The following EYS variants were observed in gnomAD, a reference collection of about 807,000 sequenced individuals.
EYS encodes EGF-like photoreceptor maintenance factor.
A neutral mutation model predicts 282.1 loss-of-function variants in EYS; 250 were observed. The ratio of observed to expected loss-of-function variants is 0.89; its 90% CI spans 0.80 to 0.98. The LOEUF (loss-of-function observed/expected upper bound fraction) is 0.98, where lower values mean the gene tolerates loss of function less well. Among genes scored for constraint, EYS ranks in the 50% least tolerant of loss-of-function variants. The probability of loss-of-function intolerance (pLI) is 0.00; values close to 1 mark genes in which losing one functional copy is unlikely to be tolerated. For synonymous variants in EYS, 1,355 were observed against 1,282.9 expected (o/e 1.06, Z -1.20); for missense variants, 4,016 against 3,709.0 (o/e 1.08, Z -2.15).
intron 30 of EYS, among the ~76,000 whole-genome samples, chr6:64,288,949 T>C (rs1201755963): frequency 6.6e-6 from 1 of 152,068 alleles, no homozygotes; most frequent in Non-Finnish European, 1.5e-5. Context: ...TTTTTTCTTA[T>C]TCAAAAAACC....
At chr6:65,519,396 C>T (rs1006680510) in intron 2 of EYS, among the ~76,000 whole-genome samples, 35 of 150,862 alleles carry the variant, frequency 2.3e-4, no homozygotes, top group Non-Finnish European at 2.4e-4. Flanking sequence ...AAACTTTTAT[C>T]GTGTATTGAT....
chr6:64,397,418 G>T (rs541038497), intron 28 of EYS, among the ~76,000 whole-genome samples: 6 of 152,002 alleles, frequency 3.9e-5, no homozygotes, highest in Non-Finnish European at 7.4e-5. Context: ...AGCCTACTGG[G>T]CCTGAAATTT....
intron 5 of EYS, among the ~76,000 whole-genome samples, chr6:65,473,332 C>G (rs188064479): frequency 2.4e-4 from 37 of 151,836 alleles, no homozygotes; most frequent in Admixed American, 9.2e-4. Flanking sequence ...AAAAGGCAAA[C>G]AAACCCAAAA....
chr6:64,877,625 GA>G (rs1353217223), intron 19 of EYS, among the ~76,000 whole-genome samples: 1 of 152,092 alleles, frequency 6.6e-6, no homozygotes, highest in East Asian at 1.9e-4. Flanking sequence ...AATGTGGAAA[GA>G]AAATGGCAAT....
At chr6:65,661,487 AT>A (rs1367544600) in intron 1 of EYS, among the ~76,000 whole-genome samples, 3 of 152,054 alleles carry the variant, frequency 2.0e-5, no homozygotes, top group Non-Finnish European at 4.4e-5. Context: ...CTTACAAAGT[AT>A]TTTCCTATTT....
chr6:64,449,339 A>G (rs1399602892), intron 26 of EYS, among the ~76,000 whole-genome samples: 1 of 152,190 alleles, frequency 6.6e-6, no homozygotes. Flanking sequence ...AAAGCCTCCA[A>G]GACATATGGG....
At chr6:64,368,792 T>C (rs1184726575) in intron 29 of EYS, among the ~76,000 whole-genome samples, 1 of 152,204 alleles carries the variant, frequency 6.6e-6, no homozygotes, top group Non-Finnish European at 1.5e-5. Flanking sequence ...TTCTTATAGA[T>C]TCTGGATACT....
chr6:65,137,746 T>C (rs1278221834), intron 12 of EYS, among the ~76,000 whole-genome samples: 2 of 151,980 alleles, frequency 1.3e-5, no homozygotes, highest in African/African-American at 4.8e-5. Flanking sequence ...CATTTGTGTA[T>C]TGAAAGAGAG....
chr6:64,630,174 C>G (rs1055335652), intron 22 of EYS, among the ~76,000 whole-genome samples: 1 of 152,168 alleles, frequency 6.6e-6, no homozygotes, highest in Non-Finnish European at 1.5e-5. Context: ...CGGCTCACTG[C>G]AAACTCCGCC....
At chr6:65,046,661 T>G in intron 13 of EYS, among the ~76,000 whole-genome samples, 1 of 151,750 alleles carries the variant, frequency 6.6e-6, no homozygotes, top group East Asian at 2.0e-4. Context: ...TAAAGAAAAA[T>G]GTGGTTAGGA....
Position 64,958,306 on chromosome 6 carries a change from C to T in EYS, c.2260-12392G>A, listed in dbSNP as rs190115630. Among the ~76,000 whole-genome samples, 176 of 152,094 alleles carry T rather than the reference C, an allele frequency of 1.2e-3. 1 individual carries two copies. The highest frequency in any genetic ancestry group is 4.2e-3 in the African/African-American group (173 of 41,520). ...CTGAGACATGAGAGTCGCCTGAGTC[C>T]GGGAGGCAGCGGTTGCAGTGAGCGA... On this transcript the variant is annotated intron_variant, in intron 14 of 42. Coordinates refer to ENST00000503581, the MANE Select transcript of EYS (RefSeq NM_001142800.2).
At chr6:65,332,532 A>G in intron 11 of EYS, 1 of 861,866 alleles carries the variant, frequency 1.2e-6, no homozygotes, top group African/African-American at 1.7e-5. Flanking sequence ...ATTTTCATTG[A>G]TCTTAGTGGT....
chr6:65,614,348 G>A (rs2149796805), intron 2 of EYS, among the ~76,000 whole-genome samples: 2 of 151,918 alleles, frequency 1.3e-5, no homozygotes, highest in South Asian at 4.1e-4. Flanking sequence ...TGTTGTCTGG[G>A]GTCAAAGCTT....
Position 64,829,912 on chromosome 6 carries a change from G to A in EYS, c.2993-7090C>T, listed in dbSNP as rs542738073. 1.4e-4 allele frequency among the ~76,000 whole-genome samples: 21 copies of A among 152,004 alleles called. 1 individual carries two copies. In the South Asian group the frequency reaches 2.7e-3, roughly 20 times the overall value. On this transcript the variant is annotated intron_variant, in intron 19 of 42. Transcript: ENST00000503581. ...TGATTACCAGGGGAGGGACCCTTGCGCTAGAGAATACCACTAGAATCCCTT... is the reference window on the plus strand; with the variant it reads ...TGATTACCAGGGGAGGGACCCTTGCACTAGAGAATACCACTAGAATCCCTT...
chr6:64,095,798 T>C (rs1180289879), intron 31 of EYS, among the ~76,000 whole-genome samples: 3 of 152,236 alleles, frequency 2.0e-5, no homozygotes, highest in Non-Finnish European at 2.9e-5. Context: ...CCTGTCATTA[T>C]GATGTTAGCT....
intron 2 of EYS, among the ~76,000 whole-genome samples, chr6:65,568,216 T>G (rs866653628): frequency 6.6e-6 from 1 of 152,286 alleles, no homozygotes; most frequent in Middle Eastern, 3.4e-3. Context: ...CTAGAAACCA[T>G]TTATTGTCCT....
chr6:63,720,886 C>G lies in EYS; in HGVS notation c.9145G>C (p.Val3049Leu). 1 of 1,550,980 alleles carries G rather than the reference C, an allele frequency of 6.4e-7. No individual in the cohort carries two copies. The highest frequency in any genetic ancestry group is 8.7e-7 in the Non-Finnish European group (1 of 1,146,476). ...FCCNKWHHVV[V>L]IQNQTLIKAY... ...TTGATAAGAGTCTGATTTTGAATTA[C>G]AACTACATGGTGCCATTTATTACAA... Residue 3049 changes from valine to leucine, a missense_variant, in exon 43 of 43, where the codon GTA (valine) becomes CTA (leucine). Physicochemically the swap from Val to Leu is conservative, Grantham distance 32. Coordinates refer to ENST00000503581, the MANE Select transcript of EYS (RefSeq NM_001142800.2).
rs181245698 is a variant in EYS, at chr6:65,341,476, T to C, written c.1599+2562A>G. Among the ~76,000 whole-genome samples the C allele has an allele frequency of 6.3e-3, 959 of 151,314 alleles. 4 individuals are homozygous for C. Among genetic ancestry groups the C allele is most frequent in the Admixed American group, 0.011 (173 of 15,138 alleles). On this transcript the variant is annotated intron_variant, in intron 10 of 42. Coordinates refer to ENST00000503581, the MANE Select transcript of EYS (RefSeq NM_001142800.2). ...TGGGGAAATTTTGACATGAACAAGA[T>C]TATTTATTTGACAGATCTAATAGAA...
At chr6:63,884,863 T>A (rs145786881) in intron 35 of EYS, among the ~76,000 whole-genome samples, 2 of 152,284 alleles carry the variant, frequency 1.3e-5, no homozygotes, top group African/African-American at 4.8e-5. Context: ...TACCTTTTTT[T>A]AGTGAAAATT....
Sources: gnomAD v4.1 joint callset for allele counts (sites outside exome capture counted in the v4.1 genomes callset) on GRCh38, gnomAD v4.1.1 for gene constraint, MANE v1.5 for transcripts, NCBI Gene and HGNC (gene_info 2026-07-23, HGNC 2026-07-21) for gene names.